Variants in SLC45A2 observed in about 807,000 individuals in gnomAD.
SLC45A2 encodes solute carrier family 45 member 2.
In SLC45A2, 36 loss-of-function variants were observed where a neutral mutation model predicts 45.5. The ratio of observed to expected loss-of-function variants is 0.79; its 90% confidence interval spans 0.61 to 1.04. The LOEUF (loss-of-function observed/expected upper bound fraction) is 1.04, where lower values mean the gene tolerates loss of function less well. Among genes scored for constraint, SLC45A2 ranks in the 50% least tolerant of loss-of-function variants. SLC45A2 has a pLI of 0.00. For missense variants in SLC45A2, 719 were observed against 671.0 expected (o/e 1.07, Z -0.79); for synonymous variants, 306 against 269.3 (o/e 1.14, Z -1.33).
chr5:33,984,569 A>T lies in SLC45A2; in HGVS notation c.15T>A (p.Ser5Arg), dbSNP rs776038347. Residue 5 changes from serine to arginine, a missense_variant, in exon 1 of 7, where the codon AGT becomes AGA. By Grantham distance (110) the Ser-to-Arg change is moderately radical (BLOSUM62 -1). Coordinates refer to ENST00000296589, the MANE Select transcript of SLC45A2 (RefSeq NM_016180.5). ...TATAGATGTGGCGGCCAGCCTGCCC[A>T]CTGTTGCTACCCATGGCCACTGGGA... MGSN[S>R]GQAGRHIYKS... 1.7e-5 allele frequency: 27 copies of T among 1,609,614 alleles called. No individual in the cohort carries two copies. In the South Asian group the frequency reaches 2.3e-4, roughly 14 times the overall value.
At chr5:33,966,016 CTCTA>C (rs1363671448) in intron 2 of SLC45A2, among the ~76,000 whole-genome samples, 1 of 152,168 alleles carries the variant, frequency 6.6e-6, no homozygotes, top group Non-Finnish European at 1.5e-5. Flanking sequence ...TCACTTATGC[CTCTA>C]TCTTTCAAAT....
intron 2 of SLC45A2, among the ~76,000 whole-genome samples, chr5:33,972,988 T>A (rs1191314471): frequency 1.3e-5 from 2 of 152,292 alleles, no homozygotes; most frequent in East Asian, 3.9e-4. Flanking sequence ...AAAAGTTGAA[T>A]AAAATCTGTT....
Position 33,947,322 on chromosome 5 carries a change from C to A in SLC45A2, c.1209G>T (p.Thr403=). The A allele has an allele frequency of 6.2e-7, 1 of 1,614,168 alleles. No individual in the cohort carries two copies. The highest frequency in any genetic ancestry group is 8.5e-7 in the Non-Finnish European group (1 of 1,180,026). The change falls in exon 6 of 7, where the codon ACG becomes ACT. Residue 403 remains threonine (T), a synonymous_variant. Coordinates refer to ENST00000296589, the MANE Select transcript of SLC45A2 (RefSeq NM_016180.5). ...TCCCCAGGCCAAACAGCAAATATCCCGTGAAGTAAAGACCCTTTAATCCAA... is the reference window on the plus strand; with the variant it reads ...TCCCCAGGCCAAACAGCAAATATCCAGTGAAGTAAAGACCCTTTAATCCAA... ...SYIGLKGLYF[T]GYLLFGLGTG...
intron 6 of SLC45A2, among the ~76,000 whole-genome samples, chr5:33,945,257 G>A (rs1051860876): frequency 2.6e-5 from 4 of 151,992 alleles, no homozygotes; most frequent in Non-Finnish European, 5.9e-5. Context: ...TTCTTAGCTC[G>A]CAGACTGTAC....
chr5:33,949,110 G>C (rs1752022565), intron 5 of SLC45A2, among the ~76,000 whole-genome samples: 1 of 152,194 alleles, frequency 6.6e-6, no homozygotes, highest in African/African-American at 2.4e-5. Flanking sequence ...CAGTGTTGTT[G>C]TTCTAATTGG....
At position 33,982,532 on chromosome 5, in the gene SLC45A2, C is replaced by T. The variant is rs1753109295; in HGVS notation, c.386-120G>A. On this transcript the variant is annotated intron_variant, in intron 1 of 6. Coordinates refer to ENST00000296589, the MANE Select transcript of SLC45A2 (RefSeq NM_016180.5). ...TCCTTGCTTTTATTTTGCTTTTTTCCAAATAAAAATAGCTTTACATTTTTT... is the reference window on the plus strand; with the variant it reads ...TCCTTGCTTTTATTTTGCTTTTTTCTAAATAAAAATAGCTTTACATTTTTT... The T allele has an allele frequency of 5.0e-6, 5 of 1,009,626 alleles. No homozygotes were observed. In the South Asian group the frequency reaches 6.0e-5, roughly 12 times the overall value. 62.5% of individuals were successfully genotyped at this position (1,009,626 alleles called of 1,614,324 possible). A position where few individuals can be genotyped will look rare whatever the true frequency, so the allele number is the denominator to read the frequency against.
In SLC45A2 at chr5:33,964,027, A is replaced by G. The variant is rs372985571; in HGVS notation, c.563-11T>C. 6.2e-7 allele frequency: 1 copy of G among 1,613,288 alleles called. No homozygotes were observed. Among genetic ancestry groups the G allele is most frequent in the Non-Finnish European group, 8.5e-7 (1 of 1,179,448 alleles). ...GGGCACCTCCAAAACCTGGAAAGCA[A>G]GAAAAGCTATGTTAGCATATTTAGC... On this transcript the variant is annotated splice_polypyrimidine_tract_variant and intron_variant, in intron 2 of 6. Transcript: ENST00000296589.
chr5:33,954,436 G>T lies in SLC45A2; in HGVS notation c.957C>A (p.Tyr319Ter), dbSNP rs200122644. ...ATCCAATGAGGTGGCTGATGCAAAG[G>T]TAGCGGTAGTGAGGAGGCATGTTCA... The part of the protein sequence containing the change: ...ALVNMPPHYR[Y>*]LCISHLIGWT... The change falls in exon 4 of 7, where the codon TAC becomes TAA. Residue 319 changes from tyrosine to a stop codon, truncating the protein, a stop_gained. Transcript: ENST00000296589. LOFTEE classifies it high-confidence loss of function. 6.2e-6 allele frequency: 10 copies of T among 1,613,990 alleles called. No individual in the cohort carries two copies. Among genetic ancestry groups the T allele is most frequent in the Non-Finnish European group, 8.5e-6 (10 of 1,180,012 alleles).
At chr5:33,949,693 C>T (rs1752040119) in intron 5 of SLC45A2, among the ~76,000 whole-genome samples, 1 of 152,138 alleles carries the variant, frequency 6.6e-6, no homozygotes, top group Admixed American at 6.6e-5. Flanking sequence ...TAGATTTATA[C>T]ATTAATAAAA....
intron 3 of SLC45A2, among the ~76,000 whole-genome samples, chr5:33,957,798 T>C (rs1752319061): frequency 6.6e-6 from 1 of 152,180 alleles, no homozygotes. Flanking sequence ...ATTCTAAATA[T>C]TAATATATGC....
intron 6 of SLC45A2, among the ~76,000 whole-genome samples, chr5:33,945,666 T>C (rs1751899212): frequency 6.6e-6 from 1 of 150,988 alleles, no homozygotes; most frequent in Admixed American, 6.6e-5. Flanking sequence ...TGTCGGGTGC[T>C]AGGGGGCACT....
intron 3 of SLC45A2, among the ~76,000 whole-genome samples, chr5:33,958,369 C>T (rs1752338529): frequency 6.6e-6 from 1 of 152,156 alleles, no homozygotes; most frequent in South Asian, 2.1e-4. Context: ...TTGGCCCTGA[C>T]CCTGGGGAAG....
At position 33,963,915 on chromosome 5, in the gene SLC45A2, A is replaced by G. The variant is rs750763528; in HGVS notation, c.664T>C (p.Ser222Pro). ...AAACACAAAGTGAGCACCAATGCAGAGAAGAAGAACATGACCTGGAATTCT... is the reference window on the plus strand; with the variant it reads ...AAACACAAAGTGAGCACCAATGCAGGGAAGAAGAACATGACCTGGAATTCT... Reference protein sequence around the residue: ...GTEFQVMFFFSALVLTLCFTV... With the variant: ...GTEFQVMFFFPALVLTLCFTV... The change falls in exon 3 of 7, where the codon TCT becomes CCT. Residue 222 changes from serine to proline, a missense_variant. Physicochemically the swap from Ser to Pro is moderately conservative, Grantham distance 74. Transcript: ENST00000296589. The G allele has an allele frequency of 1.9e-6, 3 of 1,614,192 alleles. No individual in the cohort carries two copies. Among genetic ancestry groups the G allele is most frequent in the Non-Finnish European group, 2.5e-6 (3 of 1,180,004 alleles).
intron 3 of SLC45A2, among the ~76,000 whole-genome samples, chr5:33,954,892 C>A (rs1047473504): frequency 1.3e-5 from 2 of 152,154 alleles, no homozygotes; most frequent in African/African-American, 4.8e-5. Flanking sequence ...ACTGTGAGAG[C>A]ATAGTAGGCA....
chr5:33,984,171 G>T (rs1166776943), intron 1 of SLC45A2, 28 bp downstream of exon 1: 1 of 1,613,272 alleles, frequency 6.2e-7, no homozygotes, highest in East Asian at 2.2e-5. Flanking sequence ...ACATATCCCT[G>T]TCTGCCCACC....
intron 2 of SLC45A2, 63 bp downstream of exon 2, chr5:33,982,173 C>T (rs781510378): frequency 2.1e-4 from 332 of 1,588,712 alleles, no homozygotes; most frequent in Non-Finnish European, 2.7e-4. Flanking sequence ...CACTGGATGG[C>T]TTTAGTGGAA....
intron 2 of SLC45A2, among the ~76,000 whole-genome samples, chr5:33,973,099 C>T (rs1050613054): frequency 3.9e-5 from 6 of 152,006 alleles, no homozygotes; most frequent in Admixed American, 1.3e-4. Flanking sequence ...TGTGTGTTTG[C>T]GATCAGAGTA....
Position 33,963,688 on chromosome 5 carries a change from T to A in SLC45A2, c.888+3A>T. 6.2e-7 allele frequency: 1 copy of A among 1,613,710 alleles called. No homozygotes were observed. Among genetic ancestry groups the A allele is most frequent in the African/African-American group, 1.3e-5 (1 of 75,050 alleles). Reference sequence around the variant, plus strand: ...TTGTAAAGAAAAAATGTTGCATCTTTACCTGTTCAGCATGATTTTTGTTTT... The same window carrying A: ...TTGTAAAGAAAAAATGTTGCATCTTAACCTGTTCAGCATGATTTTTGTTTT... On this transcript the variant is annotated splice_donor_region_variant and intron_variant, in intron 3 of 6. Transcript: ENST00000296589.
intron 2 of SLC45A2, among the ~76,000 whole-genome samples, chr5:33,975,234 A>T (rs1419691552): frequency 6.6e-6 from 1 of 152,226 alleles, no homozygotes; most frequent in Non-Finnish European, 1.5e-5. Context: ...TGTCTAATTG[A>T]TGCAATTTGT....
Sources: gnomAD v4.1 joint callset for allele counts (sites outside exome capture counted in the v4.1 genomes callset) on GRCh38, gnomAD v4.1.1 for gene constraint, MANE v1.5 for transcripts, NCBI Gene and HGNC (gene_info 2026-07-23, HGNC 2026-07-21) for gene names.